The following CDK12 variants were observed in gnomAD, a reference collection of about 807,000 sequenced individuals.
CDK12 encodes cyclin dependent kinase 12.
CDK12 carries 17 observed loss-of-function variants against 133.8 expected under a neutral mutation model. That is an observed-to-expected ratio of 0.13 (90% CI 0.09 to 0.19). The LOEUF (loss-of-function observed/expected upper bound fraction) is 0.19. Ranked by LOEUF, CDK12 falls within the 10% of genes least tolerant of loss-of-function variation. The pLI is 1.00. For synonymous variants in CDK12, 694 were observed against 683.6 expected, an observed-to-expected ratio of 1.02 and a Z score of -0.24; for missense variants, 1,508 against 1,818.7, an observed-to-expected ratio of 0.83 and a Z score of 3.11.
intron 1 of CDK12, among the ~76,000 whole-genome samples, chr17:39,468,161 C>T (rs1318752660): frequency 2.0e-5 from 3 of 152,076 alleles, no homozygotes; most frequent in Admixed American, 6.6e-5. Flanking sequence ...TCCCAAAATG[C>T]TGGGATTACA....
rs1555553398 is a variant in CDK12 at position 39,476,711 on chromosome 17, C to CA, written c.1931+4948_1931+4949insA. ...TACAGGCATGAGCCACCATGCCTGCCTTTTTTTTTTTTTTTTTTTTTTTTT... is the reference window on the plus strand; with the variant it reads ...TACAGGCATGAGCCACCATGCCTGCCATTTTTTTTTTTTTTTTTTTTTTTTT... On this transcript the variant is annotated intron_variant, in intron 2 of 13. Transcript: ENST00000447079. Among the ~76,000 whole-genome samples the CA allele has an allele frequency of 2.1e-3, 175 of 84,502 alleles. 29 individuals carry two copies. The highest frequency in any genetic ancestry group is 3.9e-3 in the South Asian group (11 of 2,810). 55.4% of individuals were successfully genotyped at this position (84,502 alleles called of 152,430 possible). A position where few individuals can be genotyped will look rare whatever the true frequency, so the allele number is the denominator to read the frequency against.
chr17:39,518,889 T>C (rs1055127255), intron 10 of CDK12, among the ~76,000 whole-genome samples: 1 of 152,116 alleles, frequency 6.6e-6, no homozygotes, highest in Non-Finnish European at 1.5e-5. Context: ...ACTTGTGTTA[T>C]AGCACAGCAT....
intron 1 of CDK12, among the ~76,000 whole-genome samples, chr17:39,540,490 C>G (rs2055355291): frequency 6.6e-6 from 1 of 152,104 alleles, no homozygotes; most frequent in South Asian, 2.1e-4. Context: ...CTAGGGTGTG[C>G]CCATAGACTT....
chr17:39,496,658 G>A lies in CDK12; in HGVS notation c.2419+1964G>A, dbSNP rs190625477. Among the ~76,000 whole-genome samples the A allele has an allele frequency of 1.9e-3, 283 of 152,086 alleles. 2 individuals carry two copies. The highest frequency in any genetic ancestry group is 6.4e-3 in the African/African-American group (265 of 41,504). On this transcript the variant is annotated intron_variant, in intron 5 of 13. Transcript: ENST00000447079. ...AGAGGTTGCAGTGAGTTGAGATCAC[G>A]CCATTGCACTCCAGCCTGGGTGACA...
intron 2 of CDK12, among the ~76,000 whole-genome samples, chr17:39,551,398 G>GTCT (rs1567815950): frequency 3.9e-5 from 6 of 151,976 alleles, no homozygotes. Flanking sequence ...ATTTTACCAT[G>GTCT]TCTTATAAGA....
intron 2 of CDK12, among the ~76,000 whole-genome samples, chr17:39,479,150 T>C (rs2145460449): frequency 6.6e-6 from 1 of 151,690 alleles, no homozygotes; most frequent in South Asian, 2.1e-4. Context: ...CTACTAAAAA[T>C]ACAAAAAATT....
At chr17:39,486,155 G>GA (rs2051108501) in intron 2 of CDK12, among the ~76,000 whole-genome samples, 1 of 150,550 alleles carries the variant, frequency 6.6e-6, no homozygotes, top group Admixed American at 6.7e-5. Context: ...GTTTCACCAT[G>GA]TTGGCTAGGC....
intron 1 of CDK12, among the ~76,000 whole-genome samples, chr17:39,465,990 C>T (rs2049276156): frequency 6.6e-6 from 1 of 152,048 alleles, no homozygotes; most frequent in Non-Finnish European, 1.5e-5. Flanking sequence ...TTAGGTAAAA[C>T]AGCATATCTC....
chr17:39,476,412 T>G (rs138728335), intron 2 of CDK12, among the ~76,000 whole-genome samples: 115 of 151,762 alleles, frequency 7.6e-4, no homozygotes, highest in Middle Eastern at 6.8e-3. Context: ...CCCCAACTAT[T>G]TATTATTTTA....
Position 39,494,524 on chromosome 17 carries a change from G to A in CDK12, c.2249G>A (p.Gly750Glu). The A allele has an allele frequency of 6.2e-7, 1 of 1,613,584 alleles. No individual in the cohort carries two copies. Among genetic ancestry groups the A allele is most frequent in the Non-Finnish European group, 8.5e-7 (1 of 1,179,748 alleles). ...TAACAGTTTACATTTGTTTTGGCAG[G>A]AGAACTAGTGGCTCTGAAGAAGGTG... ...QVYKAKDKDT[G>E]ELVALKKVRL... is the part of the protein sequence containing the mutation. The change falls in exon 5 of 14, where the codon GGA (glycine) becomes GAA (glutamate). Residue 750 changes from glycine (G) to glutamate (E), a missense_variant and splice_region_variant. Physicochemically the swap from Gly to Glu is moderately conservative, Grantham distance 98 (BLOSUM62 -2). Transcript: ENST00000447079.
chr17:39,469,218 T>C (rs2049593838), intron 1 of CDK12, among the ~76,000 whole-genome samples: 1 of 152,196 alleles, frequency 6.6e-6, no homozygotes, highest in Non-Finnish European at 1.5e-5. Flanking sequence ...GGGTTTCAAC[T>C]TAAAATGATC....
At chr17:39,465,251 TAA>T (rs35826660) in intron 1 of CDK12, among the ~76,000 whole-genome samples, 1 of 121,264 alleles carries the variant, frequency 8.2e-6, no homozygotes, top group African/African-American at 3.2e-5. Flanking sequence ...GACTCAGTCT[TAA>T]AAAAAAAAAA....
chr17:39,562,863 CTCTG>C (rs1449019646), intron 3 of CDK12, among the ~76,000 whole-genome samples: 1 of 143,956 alleles, frequency 6.9e-6, no homozygotes, highest in African/African-American at 2.5e-5. Flanking sequence ...TCCTTTCTTT[CTCTG>C]TCTCTCTCTT....
chr17:39,464,812 C>T (rs952601131), intron 1 of CDK12, among the ~76,000 whole-genome samples: 3 of 151,258 alleles, frequency 2.0e-5, no homozygotes, highest in African/African-American at 4.9e-5. Context: ...ATTAGCTGGT[C>T]GCGGTGGTGC....
intron 2 of CDK12, among the ~76,000 whole-genome samples, chr17:39,473,737 T>G (rs1305205739): frequency 6.6e-6 from 1 of 151,914 alleles, no homozygotes; most frequent in African/African-American, 2.4e-5. Flanking sequence ...ATACAAAAAT[T>G]AGCTGGGCGT....
At chr17:39,492,692 A>C in intron 3 of CDK12, 59 bp from the exon 4 acceptor site, 1 of 1,412,224 alleles carries the variant, frequency 7.1e-7, no homozygotes, top group African/African-American at 1.4e-5. Context: ...TACAGGCATG[A>C]GCCACCGCGC....
intron 2 of CDK12, among the ~76,000 whole-genome samples, chr17:39,478,798 C>T (rs992880009): frequency 2.6e-5 from 4 of 152,090 alleles, no homozygotes; most frequent in African/African-American, 9.7e-5. Context: ...GCACTCTAGC[C>T]TGGATAACAG....
rs772156326 is a variant in CDK12 at position 39,471,439 on chromosome 17, C to A, written c.1607C>A (p.Pro536Gln). Residue 536 changes from proline to glutamine, a missense_variant, in exon 2 of 14, where the codon CCA (proline) becomes CAA (glutamine). Physicochemically the swap from Pro to Gln is moderately conservative, Grantham distance 76. Coordinates refer to ENST00000447079, the MANE Select transcript of CDK12 (RefSeq NM_016507.4). ...CCTCTTCCCACAATTGCTTCTCCCC[C>A]ACCCCCTCTACCAACTACTACCCCT... ...PPPLPTIASP[P>Q]PPLPTTTPPP... 1.9e-6 allele frequency: 3 copies of A among 1,613,074 alleles called. No individual in the cohort carries two copies. Among genetic ancestry groups the A allele is most frequent in the Middle Eastern group, 1.7e-4 (1 of 6,060 alleles).
chr17:39,537,543 A>AT (rs771034647), downstream of CDK12, among the ~76,000 whole-genome samples: 1 of 129,152 alleles, frequency 7.7e-6, no homozygotes, highest in Non-Finnish European at 1.6e-5. Flanking sequence ...ATAATTCCTT[A>AT]TTTTTATTTA....
Sources: gnomAD v4.1 joint callset for allele counts (sites outside exome capture counted in the v4.1 genomes callset) on GRCh38, gnomAD v4.1.1 for gene constraint, MANE v1.5 for transcripts, NCBI Gene and HGNC (gene_info 2026-07-23, HGNC 2026-07-21) for gene names.